The following SESN1 variants were observed in gnomAD, a reference collection of about 807,000 sequenced individuals.
SESN1 encodes sestrin-1.
A neutral mutation model predicts 59.3 loss-of-function variants in SESN1; 30 were observed. The observed-to-expected ratio is 0.51, with a 90% CI of 0.38 to 0.69. The LOEUF (loss-of-function observed/expected upper bound fraction) is 0.69. Among genes scored for constraint, SESN1 ranks in the 30% least tolerant of loss-of-function variants. The pLI, the probability that SESN1 is intolerant of heterozygous loss-of-function variation, is 0.00. For missense variants in SESN1, 566 were observed against 673.0 expected, an observed-to-expected ratio of 0.84 and a Z score of 1.76; for synonymous variants, 197 against 219.9, an observed-to-expected ratio of 0.90 and a Z score of 0.92.
chr6:109,045,832 T>G (rs1441678402), intron 1 of SESN1, among the ~76,000 whole-genome samples: 1 of 152,206 alleles, frequency 6.6e-6, no homozygotes, highest in East Asian at 1.9e-4. Context: ...TATCTGTTTC[T>G]CCAGTGTCTG....
chr6:109,005,757 G>C (rs1311061472), intron 1 of SESN1, among the ~76,000 whole-genome samples: 1 of 152,116 alleles, frequency 6.6e-6, no homozygotes, highest in Non-Finnish European at 1.5e-5. Flanking sequence ...AAATAGGGAT[G>C]ATGACAAAAT....
intron 1 of SESN1, among the ~76,000 whole-genome samples, chr6:109,032,377 G>A (rs1389750890): frequency 1.3e-5 from 2 of 152,180 alleles, no homozygotes; most frequent in East Asian, 3.9e-4. Flanking sequence ...CCAGCACTTT[G>A]GGAGGCCGAG....
Position 109,079,252 on chromosome 6 carries a change from C to T in SESN1, c.279+14543G>A, listed in dbSNP as rs79499819. Among the ~76,000 whole-genome samples the T allele has an allele frequency of 2.4e-3, 357 of 148,996 alleles. 1 individual carries two copies. The highest frequency in any genetic ancestry group is 8.4e-3 in the African/African-American group (340 of 40,570). On this transcript the variant is annotated intron_variant, in intron 1 of 9. Transcript: ENST00000436639. ...GATATTCATACTCTAATATTCAATACAGGCCCAATCATGCAAGATACGTTT... is the reference window on the plus strand; with the variant it reads ...GATATTCATACTCTAATATTCAATATAGGCCCAATCATGCAAGATACGTTT...
intron 7 of SESN1, among the ~76,000 whole-genome samples, chr6:108,991,078 ACAAC>A (rs746727021): frequency 6.7e-6 from 1 of 150,350 alleles, no homozygotes. Context: ...AAAAAAAACA[ACAAC>A]AAAAAAAAAC....
intron 1 of SESN1, chr6:109,009,287 G>A: frequency 1.5e-6 from 2 of 1,347,638 alleles, no homozygotes; most frequent in Non-Finnish European, 1.9e-6. Flanking sequence ...CCTCCGTGTT[G>A]CACAGGGCAG....
intron 5 of SESN1, among the ~76,000 whole-genome samples, chr6:108,995,481 A>C (rs1028366590): frequency 4.6e-5 from 7 of 152,234 alleles, no homozygotes; most frequent in Admixed American, 2.6e-4. Flanking sequence ...AGTGTCACAC[A>C]TAGAGTAATG....
At chr6:109,079,641 G>A (rs1160418081) in intron 1 of SESN1, among the ~76,000 whole-genome samples, 2 of 152,000 alleles carry the variant, frequency 1.3e-5, no homozygotes, top group Admixed American at 1.3e-4. Flanking sequence ...ATGTTGGTTC[G>A]GGTACCCAGT....
rs769215819 is a variant in SESN1, at chr6:108,992,771, C to T, written c.1233+16G>A. 1.5e-5 allele frequency: 22 copies of T among 1,493,620 alleles called. No individual in the cohort carries two copies. Among genetic ancestry groups the T allele is most frequent in the Non-Finnish European group, 2.1e-5 (22 of 1,070,300 alleles). 92.5% of individuals were successfully genotyped at this position (1,493,620 alleles called of 1,614,324 possible). On this transcript the variant is annotated intron_variant, in intron 7 of 9. Transcript: ENST00000436639. ...ATATTTCTAGTCAATCATGTGCATA[C>T]AAGTTGCAATTTTACCTGGACACGA...
intron 1 of SESN1, among the ~76,000 whole-genome samples, chr6:109,043,940 G>A (rs1780380486): frequency 6.6e-6 from 1 of 152,102 alleles, no homozygotes; most frequent in South Asian, 2.1e-4. Flanking sequence ...CATGATATTG[G>A]TGAAAGGACA....
intron 1 of SESN1, among the ~76,000 whole-genome samples, chr6:109,032,013 C>T (rs12206423): frequency 0.1 from 15,162 of 152,032 alleles, 921 homozygotes; most frequent in South Asian, 0.2. Context: ...AATAAAATTT[C>T]GTGTTAAGTA....
chr6:109,046,344 C>G (rs1462598001), intron 1 of SESN1, among the ~76,000 whole-genome samples: 9 of 151,932 alleles, frequency 5.9e-5, no homozygotes, highest in East Asian at 1.9e-4. Context: ...CTTGGCCTCC[C>G]GAGGTGCCGG....
intron 1 of SESN1, among the ~76,000 whole-genome samples, chr6:109,051,618 T>C (rs1228565684): frequency 6.6e-6 from 1 of 152,244 alleles, no homozygotes; most frequent in African/African-American, 2.4e-5. Context: ...TTTCTTTTTT[T>C]CTGTAATTGA....
chr6:109,061,573 G>A (rs1780733565), intron 1 of SESN1, among the ~76,000 whole-genome samples: 1 of 152,178 alleles, frequency 6.6e-6, no homozygotes, highest in African/African-American at 2.4e-5. Flanking sequence ...GGAGATGGAA[G>A]TGGGTGGACT....
intron 1 of SESN1, among the ~76,000 whole-genome samples, chr6:109,037,900 C>T (rs1780272757): frequency 6.6e-6 from 1 of 150,598 alleles, no homozygotes; most frequent in Admixed American, 6.6e-5. Flanking sequence ...TCAACGATGC[C>T]TATAATTCTA....
chr6:109,055,661 CAAAAAAAAAAAAAA>C (rs577017689), intron 1 of SESN1, among the ~76,000 whole-genome samples: 1 of 51,286 alleles, frequency 1.9e-5, no homozygotes, highest in African/African-American at 5.6e-5. Flanking sequence ...GACTCCACCT[CAAAAAAAAAAAAAA>C]AAAAAAAGAA....
rs1779167832 is a variant in SESN1, at chr6:108,985,773, A to T, written c.*1771T>A. 6.6e-6 allele frequency among the ~76,000 whole-genome samples: 1 copy of T among 152,306 alleles called. No individual in the cohort carries two copies. The highest frequency in any genetic ancestry group is 1.9e-4 in the East Asian group (1 of 5,180). The stretch of plus-strand genomic sequence containing the variant: ...AATTTTAACTATCTTCTTGGGTTCA[A>T]TTGTATTGCTCTGGTGAGAGAACTC... On this transcript the variant is annotated 3_prime_UTR_variant, in exon 10 of 10. Transcript: ENST00000436639.
rs137963841 is a variant in SESN1 at position 109,021,530 on chromosome 6, C to T, written c.280-19187G>A. Among the ~76,000 whole-genome samples the T allele has an allele frequency of 5.3e-3, 810 of 151,978 alleles. 8 individuals are homozygous for T. The highest frequency in any genetic ancestry group is 0.017 in the African/African-American group (711 of 41,404). Reference sequence around the variant, plus strand: ...TCAGTTCACTGCAACCTCTGCCTCCCGGGTTCAAGCAATTCTCGTGCCTCA... The same window carrying T: ...TCAGTTCACTGCAACCTCTGCCTCCTGGGTTCAAGCAATTCTCGTGCCTCA... On this transcript the variant is annotated intron_variant, in intron 1 of 9. Transcript: ENST00000436639.
chr6:109,064,759 A>T (rs548032091), intron 1 of SESN1, among the ~76,000 whole-genome samples: 117 of 151,562 alleles, frequency 7.7e-4, no homozygotes, highest in African/African-American at 2.5e-3. Flanking sequence ...CATAGAGTAT[A>T]TGAAGTATAA....
chr6:109,032,606 A>G (rs576563954), intron 1 of SESN1, among the ~76,000 whole-genome samples: 1 of 147,788 alleles, frequency 6.8e-6, no homozygotes, highest in South Asian at 2.1e-4. Flanking sequence ...TGACAGAGCA[A>G]GACTTCATCT....
Sources: gnomAD v4.1 joint callset for allele counts (sites outside exome capture counted in the v4.1 genomes callset) on GRCh38, gnomAD v4.1.1 for gene constraint, MANE v1.5 for transcripts, NCBI Gene and HGNC (gene_info 2026-07-23, HGNC 2026-07-21) for gene names.